GALNT17: variants seen among roughly 807,000 people sequenced by gnomAD.
GALNT17 encodes polypeptide N-acetylgalactosaminyltransferase 17.
A neutral mutation model predicts 63.7 loss-of-function variants in GALNT17; 29 were observed. The ratio of observed to expected loss-of-function variants is 0.46; its 90% CI spans 0.34 to 0.62. The LOEUF (loss-of-function observed/expected upper bound fraction) is 0.62, where lower values mean the gene tolerates loss of function less well. Among genes scored for constraint, GALNT17 ranks in the 20% least tolerant of loss-of-function variants. The probability of loss-of-function intolerance (pLI) is 0.01; values close to 1 mark genes in which losing one functional copy is unlikely to be tolerated. For synonymous variants in GALNT17, 305 were observed against 318.3 expected, an observed-to-expected ratio of 0.96 and a Z score of 0.45; for missense variants, 603 against 799.6, an observed-to-expected ratio of 0.75 and a Z score of 2.97.
intron 1 of GALNT17, among the ~76,000 whole-genome samples, chr7:71,265,118 A>ATATATT (rs1390488895): frequency 2.7e-5 from 1 of 37,460 alleles, no homozygotes; most frequent in African/African-American, 6.9e-5. Context: ...ATATATATAT[A>ATATATT]TTTTTTTTTT....
intron 5 of GALNT17, among the ~76,000 whole-genome samples, chr7:71,442,422 A>G (rs919406395): frequency 6.6e-6 from 1 of 152,052 alleles, no homozygotes; most frequent in East Asian, 1.9e-4. Flanking sequence ...GATGGTCTCA[A>G]TCTCCTGACC....
chr7:71,255,090 C>G (rs1219008886), intron 1 of GALNT17, among the ~76,000 whole-genome samples: 1 of 152,170 alleles, frequency 6.6e-6, no homozygotes, highest in Non-Finnish European at 1.5e-5. Flanking sequence ...TATCTATTTT[C>G]ACTCATCCAT....
chr7:71,267,713 TG>T (rs1224678864), intron 1 of GALNT17, among the ~76,000 whole-genome samples: 1 of 152,134 alleles, frequency 6.6e-6, no homozygotes, highest in Non-Finnish European at 1.5e-5. Flanking sequence ...TATTAAGTTC[TG>T]GGGTACAGGT....
chr7:71,200,206 C>T (rs529958912), intron 1 of GALNT17, among the ~76,000 whole-genome samples: 12 of 152,198 alleles, frequency 7.9e-5, no homozygotes, highest in Admixed American at 2.0e-4. Context: ...AGTTCTGCCA[C>T]GTTATCATGT....
chr7:71,201,000 A>G (rs926885285), intron 1 of GALNT17, among the ~76,000 whole-genome samples: 27 of 151,890 alleles, frequency 1.8e-4, no homozygotes, highest in Non-Finnish European at 3.1e-4. Context: ...TTTCTTCCCA[A>G]AGAATTCAGG....
At chr7:71,685,343 A>C (rs1012442707) in intron 9 of GALNT17, 2 of 152,210 alleles carry the variant, frequency 1.3e-5, no homozygotes, top group African/African-American at 4.8e-5. Context: ...TCAGCATCTC[A>C]GGTGTGGTCC....
At chr7:71,152,317 C>T (rs1788150638) in intron 1 of GALNT17, among the ~76,000 whole-genome samples, 1 of 151,990 alleles carries the variant, frequency 6.6e-6, no homozygotes, top group Non-Finnish European at 1.5e-5. Flanking sequence ...AAAACAAAAG[C>T]CAAAAAGTAG....
intron 6 of GALNT17, among the ~76,000 whole-genome samples, chr7:71,578,406 T>C (rs560587520): frequency 3.1e-3 from 470 of 152,264 alleles, no homozygotes; most frequent in Non-Finnish European, 5.7e-3. Flanking sequence ...AAATTATAGC[T>C]CACTGCAGCC....
chr7:71,629,222 A>T (rs4484575), intron 6 of GALNT17, among the ~76,000 whole-genome samples: 135,102 of 151,808 alleles, frequency 0.89, 62,142 homozygotes, highest in Non-Finnish European at 1. Flanking sequence ...GTGAGGGGGC[A>T]GAGGAATAGG....
chr7:71,164,098 C>T (rs1309460992), intron 1 of GALNT17, among the ~76,000 whole-genome samples: 2 of 152,158 alleles, frequency 1.3e-5, no homozygotes, highest in Admixed American at 6.6e-5. Flanking sequence ...ACAGTGCTGC[C>T]TGTGTCTGGC....
intron 3 of GALNT17, among the ~76,000 whole-genome samples, chr7:71,393,442 C>T (rs764757824): frequency 6.6e-6 from 1 of 152,162 alleles, no homozygotes; most frequent in Non-Finnish European, 1.5e-5. Flanking sequence ...ACTGCTCATT[C>T]GCCCATGCCC....
intron 5 of GALNT17, among the ~76,000 whole-genome samples, chr7:71,548,302 GTGGT>G (rs1417636401): frequency 6.6e-6 from 1 of 151,836 alleles, no homozygotes; most frequent in Non-Finnish European, 1.5e-5. Context: ...GTTTTCTTGA[GTGGT>G]TGAGATGCAT....
intron 2 of GALNT17, among the ~76,000 whole-genome samples, chr7:71,340,968 A>G (rs1236486996): frequency 6.6e-6 from 1 of 152,096 alleles, no homozygotes; most frequent in Non-Finnish European, 1.5e-5. Context: ...AACCTAGGAC[A>G]TAGAGGTTGC....
At chr7:71,509,276 AGCCTAG>A (rs1788316530) in intron 5 of GALNT17, among the ~76,000 whole-genome samples, 1 of 152,242 alleles carries the variant, frequency 6.6e-6, no homozygotes, top group Admixed American at 6.5e-5. Context: ...CATGTAATAT[AGCCTAG>A]GCTAAGCTGT....
chr7:71,315,638 T>C (rs891942510), intron 1 of GALNT17, among the ~76,000 whole-genome samples: 9 of 152,132 alleles, frequency 5.9e-5, no homozygotes, highest in African/African-American at 1.7e-4. Flanking sequence ...GTTTAACATA[T>C]ATGGGAAGAG....
intron 5 of GALNT17, among the ~76,000 whole-genome samples, chr7:71,540,093 CTTTTTTTTTTTTTTTTTTTTT>C (rs71089954): frequency 8.9e-5 from 3 of 33,524 alleles, no homozygotes; most frequent in Admixed American, 5.8e-4. Context: ...TGTGCCTGGC[CTTTTTTTTTTTTTTTTTTTTT>C]TTTTTTTTTT....
intron 5 of GALNT17, among the ~76,000 whole-genome samples, chr7:71,497,749 C>T (rs543753038): frequency 1.3e-5 from 2 of 152,334 alleles, no homozygotes; most frequent in South Asian, 4.1e-4. Context: ...CACTGCTGCC[C>T]ACTCCTGCTG....
intron 9 of GALNT17, among the ~76,000 whole-genome samples, chr7:71,701,177 G>A (rs1388914209): frequency 2.0e-5 from 3 of 152,036 alleles, no homozygotes; most frequent in African/African-American, 7.2e-5. Context: ...GATGATCAAG[G>A]GAAAGTCTCA....
chr7:71,400,827 G>A (rs528314027), intron 3 of GALNT17, among the ~76,000 whole-genome samples: 2 of 152,314 alleles, frequency 1.3e-5, no homozygotes, highest in African/African-American at 4.8e-5. Context: ...GAGTCAAAGA[G>A]GACCCCCAGG....
Sources: gnomAD v4.1 joint callset for allele counts (sites outside exome capture counted in the v4.1 genomes callset) on GRCh38, gnomAD v4.1.1 for gene constraint, MANE v1.5 for transcripts, NCBI Gene and HGNC (gene_info 2026-07-23, HGNC 2026-07-21) for gene names.